CNTN4: variants seen among roughly 807,000 people sequenced by gnomAD.
The protein encoded by CNTN4 is contactin-4.
In CNTN4, 77 loss-of-function variants were observed where a neutral mutation model predicts 122.5. That is an observed-to-expected ratio of 0.63 (90% CI 0.52 to 0.76). The LOEUF is 0.76. Ranked by LOEUF, CNTN4 falls within the 30% of genes least tolerant of loss-of-function variation. The probability of loss-of-function intolerance (pLI) is 0.00; values close to 1 mark genes in which losing one functional copy is unlikely to be tolerated. For missense variants in CNTN4, 1,256 were observed against 1,259.1 expected (o/e 1.00, Z 0.04); for synonymous variants, 512 against 447.0 (o/e 1.15, Z -1.83).
chr3:2,706,454 T>C (rs2086743680), intron 4 of CNTN4, among the ~76,000 whole-genome samples: 1 of 152,162 alleles, frequency 6.6e-6, no homozygotes, highest in Admixed American at 6.6e-5. Flanking sequence ...TTTTTAGTAT[T>C]ATAATTTGAC....
chr3:2,136,983 C>T (rs2125311279), intron 2 of CNTN4, among the ~76,000 whole-genome samples: 1 of 152,208 alleles, frequency 6.6e-6, no homozygotes, highest in Middle Eastern at 3.4e-3. Context: ...GAAAACAACC[C>T]ACCGTTCTTA....
chr3:2,342,738 T>A (rs902261383), intron 3 of CNTN4, among the ~76,000 whole-genome samples: 2 of 152,204 alleles, frequency 1.3e-5, no homozygotes, highest in Admixed American at 6.5e-5. Flanking sequence ...ATTTTAAGTT[T>A]CCTGAGGCCT....
In CNTN4 at chr3:2,210,673, A is replaced by G. The variant is rs116682494; in HGVS notation, c.-145+110034A>G. Among the ~76,000 whole-genome samples, 378 of 152,322 alleles carry G rather than the reference A, an allele frequency of 2.5e-3. 3 individuals carry two copies. Among genetic ancestry groups the G allele is most frequent in the Middle Eastern group, 6.8e-3 (2 of 294 alleles). ...GGGATTTACAGTCCAATGCAGCAAG[A>G]GTGAGAGTCTCAACTTTGCTTCACT... On this transcript the variant is annotated intron_variant, in intron 2 of 24. Transcript: ENST00000418658.
chr3:2,997,576 C>T (rs961995849), intron 14 of CNTN4, among the ~76,000 whole-genome samples: 2 of 152,228 alleles, frequency 1.3e-5, no homozygotes, highest in Admixed American at 6.5e-5. Flanking sequence ...CTTTGGCTGT[C>T]GCAGGCAATC....
chr3:2,165,049 C>G (rs1446722626), intron 2 of CNTN4, among the ~76,000 whole-genome samples: 4 of 152,082 alleles, frequency 2.6e-5, no homozygotes, highest in Non-Finnish European at 5.9e-5. Flanking sequence ...GTGGCCAGGC[C>G]TGGTGGCTCC....
intron 6 of CNTN4, among the ~76,000 whole-genome samples, chr3:2,767,938 G>A (rs570440539): frequency 6.6e-6 from 1 of 152,332 alleles, no homozygotes; most frequent in Non-Finnish European, 1.5e-5. Flanking sequence ...TCACATAGCA[G>A]TGGGCGTGTA....
At chr3:2,673,301 C>A (rs2084644746) in intron 4 of CNTN4, among the ~76,000 whole-genome samples, 1 of 152,170 alleles carries the variant, frequency 6.6e-6, no homozygotes, top group African/African-American at 2.4e-5. Context: ...TATCACCTTA[C>A]ATCTGGGTCT....
chr3:2,654,120 T>A (rs906322266), intron 4 of CNTN4, among the ~76,000 whole-genome samples: 2 of 152,228 alleles, frequency 1.3e-5, no homozygotes, highest in Non-Finnish European at 2.9e-5. Flanking sequence ...TTGCTGTGTT[T>A]CCCTTCAGGG....
rs1424112568 is a variant in CNTN4 at position 2,666,739 on chromosome 3, C to A, written c.56-69476C>A. Among the ~76,000 whole-genome samples, 8 of 111,116 alleles carry A rather than the reference C, an allele frequency of 7.2e-5. 1 individual carries two copies. The highest frequency in any genetic ancestry group is 2.4e-4 in the African/African-American group (7 of 29,636). The allele number at this position is 111,116 out of a possible 152,430, so 72.9% of individuals were successfully genotyped here. On this transcript the variant is annotated intron_variant, in intron 4 of 24. Transcript: ENST00000418658. ...GGTATATCTCCTAATGCTATCCCTCCCCCCTCCCCCCACCCCACAACAGGC... is the reference window on the plus strand; with the variant it reads ...GGTATATCTCCTAATGCTATCCCTCACCCCTCCCCCCACCCCACAACAGGC...
chr3:2,803,572 T>C (rs2092396441), intron 6 of CNTN4, among the ~76,000 whole-genome samples: 1 of 151,540 alleles, frequency 6.6e-6, no homozygotes, highest in Non-Finnish European at 1.5e-5. Flanking sequence ...TTTTTTTTTT[T>C]TGTTTGAGAC....
chr3:2,557,585 T>C (rs1258743998), intron 3 of CNTN4, among the ~76,000 whole-genome samples: 2 of 151,878 alleles, frequency 1.3e-5, no homozygotes, highest in Non-Finnish European at 2.9e-5. Flanking sequence ...ACAAATTAGC[T>C]GGGCGTGGTG....
At chr3:3,012,716 C>G (rs1697356549) in intron 14 of CNTN4, among the ~76,000 whole-genome samples, 1 of 152,146 alleles carries the variant, frequency 6.6e-6, no homozygotes, top group Non-Finnish European at 1.5e-5. Context: ...CGCCTGTAAT[C>G]CCAGCACTTT....
chr3:2,540,173 C>T (rs994408829), intron 3 of CNTN4, among the ~76,000 whole-genome samples: 3 of 151,826 alleles, frequency 2.0e-5, no homozygotes, highest in African/African-American at 7.3e-5. Context: ...TAGAAACAAT[C>T]ATAAATTACT....
At chr3:2,329,158 A>T (rs1159227008) in intron 2 of CNTN4, among the ~76,000 whole-genome samples, 2 of 152,214 alleles carry the variant, frequency 1.3e-5, no homozygotes, top group African/African-American at 4.8e-5. Flanking sequence ...ACTTAAACTC[A>T]AATGTTTACA....
chr3:2,653,038 T>A (rs180688541), intron 4 of CNTN4, among the ~76,000 whole-genome samples: 1 of 152,242 alleles, frequency 6.6e-6, no homozygotes, highest in Non-Finnish European at 1.5e-5. Context: ...AATACTGTTT[T>A]TTGGTCAAAA....
chr3:2,881,302 C>T (rs186966627), intron 8 of CNTN4, among the ~76,000 whole-genome samples: 232 of 152,226 alleles, frequency 1.5e-3, no homozygotes, highest in African/African-American at 4.2e-3. Flanking sequence ...CACCTGAGGT[C>T]AGGAATTCAA....
At chr3:2,143,362 C>T (rs572425778) in intron 2 of CNTN4, among the ~76,000 whole-genome samples, 1 of 152,158 alleles carries the variant, frequency 6.6e-6, no homozygotes, top group Non-Finnish European at 1.5e-5. Context: ...TGTGCCAAAA[C>T]TGTGTTAGGT....
At chr3:2,907,622 T>C (rs866203423) in intron 12 of CNTN4, among the ~76,000 whole-genome samples, 3 of 151,534 alleles carry the variant, frequency 2.0e-5, no homozygotes, top group African/African-American at 4.9e-5. Flanking sequence ...AGAAAAAATA[T>C]ATATGTTGGT....
intron 10 of CNTN4, among the ~76,000 whole-genome samples, chr3:2,891,754 C>T (rs1200983997): frequency 1.3e-5 from 2 of 152,156 alleles, no homozygotes; most frequent in African/African-American, 4.8e-5. Context: ...GACTGCAGTA[C>T]TTTGTAAGCC....
Sources: gnomAD v4.1 joint callset for allele counts (sites outside exome capture counted in the v4.1 genomes callset) on GRCh38, gnomAD v4.1.1 for gene constraint, MANE v1.5 for transcripts, NCBI Gene and HGNC (gene_info 2026-07-23, HGNC 2026-07-21) for gene names.